The following KCNH5 variants were observed in gnomAD, a reference collection of about 807,000 sequenced individuals.
KCNH5 encodes the protein voltage-gated delayed rectifier potassium channel KCNH5.
KCNH5 carries 46 observed loss-of-function variants against 96.1 expected under a neutral mutation model. The observed-to-expected ratio is 0.48, with a 90% CI of 0.38 to 0.61. The LOEUF (loss-of-function observed/expected upper bound fraction) is 0.61. Ranked by LOEUF, KCNH5 falls within the 20% of genes least tolerant of loss-of-function variation. The pLI, the probability that KCNH5 is intolerant of heterozygous loss-of-function variation, is 0.00. For missense variants in KCNH5, 907 were observed against 1,225.8 expected, an observed-to-expected ratio of 0.74 and a Z score of 3.88; for synonymous variants, 439 against 449.8, an observed-to-expected ratio of 0.98 and a Z score of 0.30.
chr14:63,043,298 C>T (rs193234459), intron 1 of KCNH5, among the ~76,000 whole-genome samples: 2 of 152,108 alleles, frequency 1.3e-5, no homozygotes, highest in African/African-American at 4.8e-5. Context: ...CAATCGTAAC[C>T]CTGCAGATTT....
At chr14:62,863,302 C>T (rs1479207575) in intron 7 of KCNH5, among the ~76,000 whole-genome samples, 1 of 152,028 alleles carries the variant, frequency 6.6e-6, no homozygotes, top group Non-Finnish European at 1.5e-5. Context: ...AGCAAGTGCA[C>T]AAGAACCACC....
At chr14:62,748,325 T>C (rs1203630928) in intron 10 of KCNH5, among the ~76,000 whole-genome samples, 1 of 152,224 alleles carries the variant, frequency 6.6e-6, no homozygotes, top group Non-Finnish European at 1.5e-5. Context: ...GAATCGATAT[T>C]ATTATCTTCA....
intron 10 of KCNH5, among the ~76,000 whole-genome samples, chr14:62,718,994 C>CT (rs1457760363): frequency 6.6e-6 from 1 of 152,142 alleles, no homozygotes; most frequent in Non-Finnish European, 1.5e-5. Context: ...CATGCAATGT[C>CT]TTGAAATGGC....
In KCNH5 at chr14:62,802,556, A is replaced by G; in HGVS notation, c.1595T>C (p.Met532Thr). The G allele has an allele frequency of 6.2e-7, 1 of 1,613,562 alleles. No individual in the cohort carries two copies. The highest frequency in any genetic ancestry group is 8.5e-7 in the Non-Finnish European group (1 of 1,179,472). ...EKVLSICPKD[M>T]RADICVHLNR... is the part of the protein sequence containing the mutation. The stretch of plus-strand genomic sequence containing the variant: ...TAGATGAACACAGATATCAGCTCTC[A>G]TGTCCTTGGGACAGATGGAGAGGAC... Residue 532 changes from methionine (M) to threonine (T), a missense_variant, in exon 9 of 11, where the codon ATG (methionine) becomes ACG (threonine). Physicochemically the swap from Met to Thr is moderately conservative, Grantham distance 81 (BLOSUM62 -1). Coordinates refer to ENST00000322893, the MANE Select transcript of KCNH5 (RefSeq NM_139318.5).
chr14:62,953,384 AG>A (rs1391238992), intron 6 of KCNH5, among the ~76,000 whole-genome samples: 1 of 152,036 alleles, frequency 6.6e-6, no homozygotes, highest in African/African-American at 2.4e-5. Context: ...CTGCATATCT[AG>A]GTTTCAACCA....
intron 8 of KCNH5, among the ~76,000 whole-genome samples, chr14:62,813,115 G>A (rs1376336991): frequency 6.6e-6 from 1 of 152,064 alleles, no homozygotes; most frequent in Non-Finnish European, 1.5e-5. Context: ...ACATCTTTAA[G>A]GCTGTTGCCA....
chr14:62,861,814 T>C (rs1888040623), intron 7 of KCNH5, among the ~76,000 whole-genome samples: 1 of 152,178 alleles, frequency 6.6e-6, no homozygotes, highest in Admixed American at 6.5e-5. Context: ...AGACTTCAGC[T>C]ATGTAGCAAT....
In KCNH5 at chr14:62,798,411, C is replaced by T. The variant is rs923153505; in HGVS notation, c.1822+3918G>A. ...TACTTGTCAAGACATTGAGAAGTAACCTGGCTATTTCAGCCATACCAACAA... is the reference window on the plus strand; with the variant it reads ...TACTTGTCAAGACATTGAGAAGTAATCTGGCTATTTCAGCCATACCAACAA... On this transcript the variant is annotated intron_variant, in intron 9 of 10. Transcript: ENST00000322893. 8.8e-4 allele frequency among the ~76,000 whole-genome samples: 134 copies of T among 152,122 alleles called. 1 individual carries two copies. Among genetic ancestry groups the T allele is most frequent in the Non-Finnish European group, 3.7e-4 (25 of 68,020 alleles).
chr14:62,779,887 T>G lies in KCNH5; in HGVS notation c.1860A>C (p.Glu620Asp). 6.2e-7 allele frequency: 1 copy of G among 1,613,698 alleles called. No individual in the cohort carries two copies. Among genetic ancestry groups the G allele is most frequent in the Non-Finnish European group, 8.5e-7 (1 of 1,179,738 alleles). ...GDVFGDIFWK[E>D]TTLAHACANV... Reference sequence around the variant, plus strand: ...TCGCACATGCATGGGCAAGGGTGGTTTCCTTCCAGAAGATGTCTCCAAATA... The same window carrying G: ...TCGCACATGCATGGGCAAGGGTGGTGTCCTTCCAGAAGATGTCTCCAAATA... Residue 620 changes from glutamate (E) to aspartate (D), a missense_variant, in exon 10 of 11, where the codon GAA becomes GAC. By Grantham distance (45) the Glu-to-Asp change is conservative. This residue lies in a region of KCNH5 where 57 missense variants were observed against 76.0 expected (regional missense o/e 0.75). Transcript: ENST00000322893.
At chr14:62,853,494 A>ATATATATGATATATATATATG (rs375695583) in intron 7 of KCNH5, among the ~76,000 whole-genome samples, 1 of 102,072 alleles carries the variant, frequency 9.8e-6, no homozygotes, top group African/African-American at 3.5e-5. Context: ...ATATATATAT[A>ATATATATGATATATATATATG]ATCTTGGCCA....
intron 8 of KCNH5, among the ~76,000 whole-genome samples, chr14:62,817,971 T>A (rs1887027868): frequency 6.6e-6 from 1 of 150,508 alleles, no homozygotes. Context: ...AAACGTAGAA[T>A]GAACCTTGAG....
At chr14:62,792,880 A>C (rs1886462374) in intron 9 of KCNH5, among the ~76,000 whole-genome samples, 1 of 151,816 alleles carries the variant, frequency 6.6e-6, no homozygotes, top group South Asian at 2.1e-4. Flanking sequence ...AAATAGGTAG[A>C]CATGGAAACA....
intron 3 of KCNH5, among the ~76,000 whole-genome samples, chr14:63,003,546 T>TAC (rs1891060872): frequency 8.9e-6 from 1 of 112,796 alleles, no homozygotes; most frequent in African/African-American, 4.0e-5. Flanking sequence ...ATATATTATA[T>TAC]ATAGTATATA....
At chr14:63,007,758 G>A (rs1316061355) in intron 2 of KCNH5, among the ~76,000 whole-genome samples, 1 of 152,104 alleles carries the variant, frequency 6.6e-6, no homozygotes, top group African/African-American at 2.4e-5. Context: ...ATAGGTACAA[G>A]TGTGGCTAAT....
At chr14:62,995,445 T>C (rs1465776940) in intron 4 of KCNH5, among the ~76,000 whole-genome samples, 1 of 152,144 alleles carries the variant, frequency 6.6e-6, no homozygotes, top group Non-Finnish European at 1.5e-5. Flanking sequence ...TCCCAGATCT[T>C]TGAAGTCCCT....
At chr14:62,909,194 C>T (rs1022925438) in intron 7 of KCNH5, among the ~76,000 whole-genome samples, 7 of 149,794 alleles carry the variant, frequency 4.7e-5, no homozygotes, top group Non-Finnish European at 8.9e-5. Flanking sequence ...TACAGGCGCC[C>T]GCCACTACGC....
At chr14:62,820,157 C>G (rs575132790) in intron 8 of KCNH5, among the ~76,000 whole-genome samples, 130 of 152,114 alleles carry the variant, frequency 8.5e-4, no homozygotes, top group African/African-American at 3.0e-3. Context: ...TAGGCAGCAG[C>G]TCTGAGGGGG....
At chr14:62,902,316 G>GTT (rs539047238) in intron 7 of KCNH5, among the ~76,000 whole-genome samples, 5 of 145,014 alleles carry the variant, frequency 3.4e-5, no homozygotes, top group African/African-American at 1.3e-4. Context: ...GTGTTTCCTA[G>GTT]TTTTTTTTTT....
intron 8 of KCNH5, among the ~76,000 whole-genome samples, chr14:62,815,893 C>G (rs1157179388): frequency 2.0e-5 from 3 of 151,684 alleles, no homozygotes; most frequent in Non-Finnish European, 1.5e-5. Context: ...AAAACACCAA[C>G]TGTAGAAAGT....
Sources: gnomAD v4.1 joint callset for allele counts (sites outside exome capture counted in the v4.1 genomes callset) on GRCh38, gnomAD v4.1.1 for gene constraint, gnomAD v4.1.1 regional missense constraint, MANE v1.5 for transcripts, NCBI Gene and HGNC (gene_info 2026-07-23, HGNC 2026-07-21) for gene names.